The following PRSS23 variants were observed in gnomAD, a reference collection of about 807,000 sequenced individuals.
PRSS23 encodes the protein protease, serine 23.
A neutral mutation model predicts 34.7 loss-of-function variants in PRSS23; 25 were observed. The observed-to-expected ratio is 0.72, with a 90% CI of 0.53 to 1.01. The LOEUF is 1.01. Among genes scored for constraint, PRSS23 ranks in the 50% least tolerant of loss-of-function variants. The pLI, the probability that PRSS23 is intolerant of heterozygous loss-of-function variation, is 0.00. For synonymous variants in PRSS23, 176 were observed against 186.6 expected (o/e 0.94, Z 0.46); for missense variants, 445 against 475.6 (o/e 0.94, Z 0.60).
In PRSS23 at chr11:86,809,536, G is replaced by T. The variant is rs777355034; in HGVS notation, c.*741G>T. 6.0e-6 allele frequency: 1 copy of T among 166,976 alleles called. No individual in the cohort carries two copies. The highest frequency in any genetic ancestry group is 1.5e-5 in the Non-Finnish European group (1 of 68,092). The allele number at this position is 166,976 out of a possible 1,614,324, so 10.3% of individuals were successfully genotyped here. On this transcript the variant is annotated 3_prime_UTR_variant, in exon 2 of 2. Transcript: ENST00000280258. ...CCAACTTTAAAGTCATACCAGAGTG[G>T]CCAAGAGTGTTTATCCCAACCCTTC...
At chr11:86,899,044 C>A (rs563848477) in intron 2 of PRSS23, among the ~76,000 whole-genome samples, 1 of 152,236 alleles carries the variant, frequency 6.6e-6, no homozygotes, top group Admixed American at 6.5e-5. Flanking sequence ...GCTGACCTGC[C>A]ACCATGTTCA....
chr11:86,905,013 A>G (rs941092956), intron 2 of PRSS23, among the ~76,000 whole-genome samples: 1 of 152,172 alleles, frequency 6.6e-6, no homozygotes, highest in Non-Finnish European at 1.5e-5. Context: ...CTATGGTTAT[A>G]CCACTGTACT....
intron 2 of PRSS23, chr11:86,939,169 G>A: frequency 2.8e-6 from 1 of 355,040 alleles, no homozygotes; most frequent in Non-Finnish European, 5.5e-6. Context: ...AGGATTCCTG[G>A]GCATTAAGGG....
chr11:86,903,531 C>T (rs948637961), intron 2 of PRSS23, among the ~76,000 whole-genome samples: 3 of 144,154 alleles, frequency 2.1e-5, no homozygotes, highest in Admixed American at 7.2e-5. Flanking sequence ...TGCCCAGGCT[C>T]GAGTGCAGTG....
At chr11:86,865,595 A>G (rs1565370549) in intron 2 of PRSS23, among the ~76,000 whole-genome samples, 1 of 152,230 alleles carries the variant, frequency 6.6e-6, no homozygotes, top group South Asian at 2.1e-4. Flanking sequence ...CTGTTGTACA[A>G]AGCTCAAGAT....
intron 1 of PRSS23, among the ~76,000 whole-genome samples, chr11:86,795,125 C>A (rs918165594): frequency 2.0e-5 from 3 of 152,086 alleles, no homozygotes; most frequent in Non-Finnish European, 4.4e-5. Flanking sequence ...AACTTTTTAG[C>A]ATGGATAATA....
chr11:86,909,687 GTGTGTAGTATCCTCCCATAATGC>G (rs1948965554), intron 2 of PRSS23: 1 of 152,196 alleles, frequency 6.6e-6, no homozygotes, highest in African/African-American at 2.4e-5. Flanking sequence ...TGAAGAACAG[GTGTGTAGTATCCTCCCATAATGC>G]TGTGATCCTT....
At chr11:86,923,793 CT>C (rs1268523152) in intron 2 of PRSS23, among the ~76,000 whole-genome samples, 2 of 152,204 alleles carry the variant, frequency 1.3e-5, no homozygotes, top group African/African-American at 4.8e-5. Context: ...AGTTAAGAAA[CT>C]TGGCTAATGT....
chr11:86,932,707 C>T (rs1382993646), intron 2 of PRSS23: 12 of 152,084 alleles, frequency 7.9e-5, no homozygotes, highest in African/African-American at 2.9e-4. Flanking sequence ...ACAGCTGGAT[C>T]CTCCCTGTTT....
intron 2 of PRSS23, among the ~76,000 whole-genome samples, chr11:86,900,058 T>C (rs1948901213): frequency 6.6e-6 from 1 of 152,218 alleles, no homozygotes; most frequent in Admixed American, 6.5e-5. Flanking sequence ...GCTGACTAAA[T>C]GCCTCTTTGA....
chr11:86,814,745 C>T (rs1437513532), downstream of PRSS23, among the ~76,000 whole-genome samples: 1 of 152,144 alleles, frequency 6.6e-6, no homozygotes, highest in African/African-American at 2.4e-5. Flanking sequence ...ACTGAATCCT[C>T]CAGGGACACT....
In PRSS23 at chr11:86,950,797, T is replaced by C. The variant is rs886048731; in HGVS notation, c.207-419T>C. The C allele has an allele frequency of 1.1e-5, 4 of 359,362 alleles. No individual in the cohort carries two copies. The highest frequency in any genetic ancestry group is 4.1e-5 in the Admixed American group (1 of 24,346). 22.3% of individuals were successfully genotyped at this position (359,362 alleles called of 1,614,324 possible). A position where few individuals can be genotyped will look rare whatever the true frequency, so the allele number is the denominator to read the frequency against. On this transcript the variant is annotated intron_variant, in intron 2 of 2. Transcript: ENST00000533902. ...GCTAGTTACCAACTCACAGCTCAAATCCCACCCTGCAGGGGAAAACAGTAT... is the reference window on the plus strand; with the variant it reads ...GCTAGTTACCAACTCACAGCTCAAACCCCACCCTGCAGGGGAAAACAGTAT...
intron 2 of PRSS23, chr11:86,940,875 GACA>G (rs1299972963): frequency 6.6e-6 from 1 of 152,176 alleles, no homozygotes; most frequent in East Asian, 1.9e-4. Context: ...ATACAATTAT[GACA>G]ACAGTAGTAA....
At chr11:86,839,351 G>A (rs1434632016) in intron 2 of PRSS23, among the ~76,000 whole-genome samples, 1 of 150,950 alleles carries the variant, frequency 6.6e-6, no homozygotes, top group African/African-American at 2.4e-5. Context: ...TGATGCATGC[G>A]TTATCAGTGA....
upstream of PRSS23, chr11:86,800,352 C>A (rs543119283): frequency 1.5e-5 from 11 of 747,168 alleles, no homozygotes; most frequent in African/African-American, 2.1e-4. Flanking sequence ...GACGCTCGGC[C>A]TCAGGCCCTC....
At chr11:86,832,085 AC>A (rs1565359429) in intron 2 of PRSS23, among the ~76,000 whole-genome samples, 1 of 151,866 alleles carries the variant, frequency 6.6e-6, no homozygotes, top group Admixed American at 6.6e-5. Context: ...ATGTATGTAC[AC>A]CCCCTGTGAT....
chr11:86,816,984 A>G (rs529217770), intron 1 of PRSS23, among the ~76,000 whole-genome samples: 30 of 152,260 alleles, frequency 2.0e-4, no homozygotes, highest in Non-Finnish European at 4.0e-4. Flanking sequence ...AATTATTTAT[A>G]AGACCCACTT....
At chr11:86,833,404 T>G in intron 2 of PRSS23, 2 of 630,108 alleles carry the variant, frequency 3.2e-6, no homozygotes, top group South Asian at 2.9e-5. Context: ...TTTTGGATCC[T>G]CTGAGAGTTC....
chr11:86,915,733 T>C (rs1488180169), intron 2 of PRSS23, among the ~76,000 whole-genome samples: 1 of 152,002 alleles, frequency 6.6e-6, no homozygotes, highest in Non-Finnish European at 1.5e-5. Flanking sequence ...TAATGAAATA[T>C]TATATTTGTA....
Sources: allele counts gnomAD v4.1 joint callset (sites outside exome capture counted in the v4.1 genomes callset), GRCh38; gene constraint gnomAD v4.1.1; transcripts MANE v1.5; gene names NCBI Gene and HGNC (gene_info 2026-07-23, HGNC 2026-07-21).